Variants in ZNF600 observed in about 807,000 individuals in gnomAD.
The protein encoded by ZNF600 is zinc finger protein KR-ZNF1.
ZNF600 carries 4 observed loss-of-function variants against 7.3 expected under a neutral mutation model. The ratio of observed to expected loss-of-function variants is 0.55; its 90% CI spans 0.27 to 1.25. ZNF600 has a LOEUF of 1.25. Ranked by LOEUF, ZNF600 falls within the 50% of genes most tolerant of loss-of-function variation. The pLI is 0.12. For missense variants in ZNF600, 911 were observed against 922.1 expected (o/e 0.99, Z 0.16); for synonymous variants, 290 against 308.9 (o/e 0.94, Z 0.64).
At chr19:52,777,139 G>A (rs1312088132) in intron 2 of ZNF600, among the ~76,000 whole-genome samples, 2 of 152,150 alleles carry the variant, frequency 1.3e-5, no homozygotes, top group East Asian at 3.8e-4. Context: ...CCAGCACTAT[G>A]GGAGGCTGAG....
the ZNF600 span, among the ~76,000 whole-genome samples, chr19:52,831,756 G>A: frequency 3.3e-5 from 5 of 151,874 alleles, no homozygotes; most frequent in East Asian, 7.8e-4. Context: ...TGCCCACCTC[G>A]GCCTCCCAAA....
chr19:52,786,404 G>T (rs565415361), intron 1 of ZNF600, among the ~76,000 whole-genome samples, 191 bp downstream of exon 1: 1 of 152,166 alleles, frequency 6.6e-6, no homozygotes, highest in Non-Finnish European at 1.5e-5. Flanking sequence ...GCTGGGAGGC[G>T]CCCAGGGCTG....
At chr19:52,801,009 A>G in the ZNF600 span, 2 of 1,614,080 alleles carry the variant, frequency 1.2e-6, no homozygotes, top group Non-Finnish European at 1.7e-6. Flanking sequence ...GTGACCAAAG[A>G]TCTTGCCACA....
chr19:52,820,361 C>A, the ZNF600 span, among the ~76,000 whole-genome samples: 1 of 138,930 alleles, frequency 7.2e-6, no homozygotes. Flanking sequence ...TCATGATCCA[C>A]CCGCCTCGGC....
the ZNF600 span, among the ~76,000 whole-genome samples, chr19:52,825,376 C>T: frequency 2.6e-5 from 4 of 152,094 alleles, no homozygotes; most frequent in Non-Finnish European, 5.9e-5. Flanking sequence ...TAAAATACCA[C>T]AACAAAACAT....
chr19:52,825,452 T>G, the ZNF600 span, among the ~76,000 whole-genome samples: 5 of 151,962 alleles, frequency 3.3e-5, no homozygotes, highest in Admixed American at 3.3e-4. Flanking sequence ...GGAGGGAGGA[T>G]CACTTGAGGC....
At chr19:52,767,908 AG>A in intron 3 of ZNF600, 136 bp from the exon 6 acceptor site, 1 of 1,292,764 alleles carries the variant, frequency 7.7e-7, no homozygotes, top group Non-Finnish European at 1.0e-6. Context: ...GGAACACAAA[AG>A]GAGTAAGATT....
the ZNF600 span, chr19:52,798,486 G>A: frequency 1.0e-5 from 5 of 493,248 alleles, no homozygotes; most frequent in East Asian, 5.8e-5. Context: ...GAGTGATCTC[G>A]GACTGAAGAC....
At chr19:52,765,451 A>G (rs1348793466) in exon 4 of ZNF600, 2 of 1,310,950 alleles carry the variant, frequency 1.5e-6, no homozygotes, top group Non-Finnish European at 1.1e-6. Context: ...TGAGTGTGTC[A>G]ATGAACTGCA....
chr19:52,764,627 C>T (rs2062554456), exon 4 of ZNF600: 1 of 151,090 alleles, frequency 6.6e-6, no homozygotes, highest in African/African-American at 2.4e-5. Flanking sequence ...ACACCATTCT[C>T]CTGCCTCAGC....
At chr19:52,813,257 A>AAAAAAAAAAAAAAC in the ZNF600 span, among the ~76,000 whole-genome samples, 1 of 146,322 alleles carries the variant, frequency 6.8e-6, no homozygotes, top group Non-Finnish European at 1.5e-5. Context: ...GTGAAAAAAA[A>AAAAAAAAAAAAAAC]AAAAAAAAAA....
chr19:52,810,587 C>T, the ZNF600 span: 24 of 1,581,318 alleles, frequency 1.5e-5, no homozygotes, highest in East Asian at 4.5e-5. Flanking sequence ...AGCCCGCTAC[C>T]GCGCCCGACC....
At chr19:52,780,637 A>G (rs1363107643) in intron 1 of ZNF600, 1 of 152,264 alleles carries the variant, frequency 6.6e-6, no homozygotes, top group East Asian at 1.9e-4. Context: ...CTGAGGAAGG[A>G]GAATCCCTTG....
At chr19:52,817,013 C>T in the ZNF600 span, among the ~76,000 whole-genome samples, 3,037 of 151,024 alleles carry the variant, frequency 0.02, 39 homozygotes, top group Non-Finnish European at 0.027. Flanking sequence ...TCCGTGAGCT[C>T]GATGTGTTAA....
intron 3 of ZNF600, among the ~76,000 whole-genome samples, chr19:52,771,401 C>A (rs9749526): frequency 6.6e-6 from 1 of 151,690 alleles, no homozygotes. Flanking sequence ...AGTGGCACGA[C>A]TCTCCTACCT....
At chr19:52,775,540 C>T (rs1045943123) in intron 2 of ZNF600, among the ~76,000 whole-genome samples, 2 of 152,114 alleles carry the variant, frequency 1.3e-5, no homozygotes, top group African/African-American at 2.4e-5. Flanking sequence ...CAGAGCAAGA[C>T]TCCATCTCAA....
the ZNF600 span, chr19:52,810,614 C>T: frequency 6.8e-7 from 1 of 1,472,636 alleles, no homozygotes; most frequent in Admixed American, 1.7e-5. Flanking sequence ...TACAGCAGTT[C>T]CTGCTCTCCA....
the ZNF600 span, chr19:52,818,098 A>C: frequency 7.0e-7 from 1 of 1,432,394 alleles, no homozygotes; most frequent in Non-Finnish European, 9.5e-7. Context: ...ACACAACAAC[A>C]CATACAAAGG....
chr19:52,811,559 T>G, the ZNF600 span, among the ~76,000 whole-genome samples: 1 of 143,918 alleles, frequency 6.9e-6, no homozygotes. Flanking sequence ...GTCTGGGATG[T>G]GAGGAGCGCC....
Sources: allele counts gnomAD v4.1 joint callset (sites outside exome capture counted in the v4.1 genomes callset), GRCh38; gene constraint gnomAD v4.1.1; transcripts MANE v1.5; gene names NCBI Gene and HGNC (gene_info 2026-07-23, HGNC 2026-07-21).